The following TMEM161B variants were observed in gnomAD, a reference collection of about 807,000 sequenced individuals.
TMEM161B encodes the protein transmembrane protein 161B.
Under a neutral mutation model 61.8 loss-of-function variants are expected in TMEM161B, and 34 were observed. That is an observed-to-expected ratio of 0.55 (90% CI 0.42 to 0.73). TMEM161B has a LOEUF of 0.73. TMEM161B is among the 30% of genes least tolerant of loss of function. The pLI, the probability that TMEM161B is intolerant of heterozygous loss-of-function variation, is 0.00. For missense variants in TMEM161B, 456 were observed against 558.5 expected, an observed-to-expected ratio of 0.82 and a Z score of 1.85; for synonymous variants, 167 against 192.8, an observed-to-expected ratio of 0.87 and a Z score of 1.11.
intron 9 of TMEM161B, 58 bp from the exon 10 acceptor site, chr5:88,199,208 G>A (rs577081728): frequency 3.9e-5 from 58 of 1,494,888 alleles, no homozygotes; most frequent in Admixed American, 4.3e-5. Flanking sequence ...TAGCATGCTC[G>A]TTATATGTTA....
At chr5:88,256,646 C>T (rs904201333) in intron 1 of TMEM161B, among the ~76,000 whole-genome samples, 3 of 152,226 alleles carry the variant, frequency 2.0e-5, no homozygotes, top group Non-Finnish European at 2.9e-5. Context: ...ATTGTGACCA[C>T]TAACTTAAGG....
chr5:88,197,572 C>A, intron 11 of TMEM161B, 97 bp downstream of exon 11: 1 of 1,013,430 alleles, frequency 9.9e-7, no homozygotes, highest in Admixed American at 2.5e-5. Flanking sequence ...AAAAGAGAAA[C>A]AATTTTAAGA....
chr5:88,237,702 T>C (rs1466083599), intron 2 of TMEM161B, among the ~76,000 whole-genome samples: 1 of 111,994 alleles, frequency 8.9e-6, no homozygotes, highest in Non-Finnish European at 1.9e-5. Context: ...TTAATAGAGT[T>C]AAACCAGACT....
chr5:88,267,234 G>C (rs1030301455), intron 1 of TMEM161B, among the ~76,000 whole-genome samples: 3 of 152,136 alleles, frequency 2.0e-5, no homozygotes, highest in Non-Finnish European at 4.4e-5. Context: ...GGATGGAAGA[G>C]TGATTACTAG....
chr5:88,252,443 G>T (rs868745689), intron 1 of TMEM161B, among the ~76,000 whole-genome samples: 4 of 152,036 alleles, frequency 2.6e-5, no homozygotes, highest in Non-Finnish European at 5.9e-5. Context: ...TAGATATAGC[G>T]ATATATTAAT....
At chr5:88,232,334 T>C (rs1336233570) in intron 2 of TMEM161B, among the ~76,000 whole-genome samples, 1 of 152,152 alleles carries the variant, frequency 6.6e-6, no homozygotes, top group Non-Finnish European at 1.5e-5. Flanking sequence ...AAATAAATTT[T>C]AGCAAGTAGG....
intron 5 of TMEM161B, among the ~76,000 whole-genome samples, chr5:88,218,555 A>G (rs1021364030): frequency 6.6e-6 from 1 of 152,188 alleles, no homozygotes; most frequent in African/African-American, 2.4e-5. Context: ...TGGAAGGCCA[A>G]GGCAGGAACC....
At chr5:88,203,157 T>C (rs1744748792) in intron 8 of TMEM161B, 82 bp from the exon 9 acceptor site, 3 of 804,162 alleles carry the variant, frequency 3.7e-6, no homozygotes, top group Non-Finnish European at 6.3e-6. Context: ...CTTACTAAAA[T>C]GGAGGTAGGA....
chr5:88,263,061 A>G (rs1219106457), intron 1 of TMEM161B, among the ~76,000 whole-genome samples: 1 of 152,174 alleles, frequency 6.6e-6, no homozygotes, highest in Admixed American at 6.5e-5. Context: ...AGATTTATAT[A>G]ATTAAAAACA....
At position 88,240,922 on chromosome 5, in the gene TMEM161B, T is replaced by TA. The variant is rs751143531; in HGVS notation, c.4-7dup. The TA allele has an allele frequency of 2.9e-4, 444 of 1,522,156 alleles. No individual in the cohort carries two copies. In the African/African-American group the frequency reaches 3.6e-3, roughly 12 times the overall value. The allele number at this position is 1,522,156 out of a possible 1,614,324, so 94.3% of individuals were successfully genotyped here. A position where few individuals can be genotyped will look rare whatever the true frequency, so the allele number is the denominator to read the frequency against. Reference sequence around the variant, plus strand: ...AGCTGTATACCTATCACACCCTGTGTAAAAAAAACAAACAAATTTAATAAT... The same window carrying TA: ...AGCTGTATACCTATCACACCCTGTGTAAAAAAAAACAAACAAATTTAATAAT... On this transcript the variant is annotated splice_region_variant and splice_polypyrimidine_tract_variant and intron_variant, in intron 1 of 11. Transcript: ENST00000296595.
chr5:88,248,771 A>G (rs1753951245), intron 1 of TMEM161B, among the ~76,000 whole-genome samples: 1 of 152,002 alleles, frequency 6.6e-6, no homozygotes, highest in African/African-American at 2.4e-5. Flanking sequence ...GAAGACAAAA[A>G]AGCTTATAAA....
At chr5:88,246,968 G>A (rs1247695388) in intron 1 of TMEM161B, among the ~76,000 whole-genome samples, 2 of 151,902 alleles carry the variant, frequency 1.3e-5, no homozygotes, top group Admixed American at 6.6e-5. Context: ...ATGCCTCTAG[G>A]CACTGATTCT....
At chr5:88,249,931 C>T (rs1015576589) in intron 1 of TMEM161B, among the ~76,000 whole-genome samples, 2 of 152,072 alleles carry the variant, frequency 1.3e-5, no homozygotes, top group African/African-American at 2.4e-5. Flanking sequence ...CCATTTTTGC[C>T]TCAGGAACCC....
intron 3 of TMEM161B, among the ~76,000 whole-genome samples, chr5:88,227,728 A>C (rs1195562235): frequency 6.6e-6 from 1 of 152,214 alleles, no homozygotes; most frequent in Non-Finnish European, 1.5e-5. Flanking sequence ...GTTGTCAATC[A>C]ATCATTTCAG....
intron 2 of TMEM161B, among the ~76,000 whole-genome samples, chr5:88,236,069 G>T (rs1459610126): frequency 6.6e-6 from 1 of 152,084 alleles, no homozygotes; most frequent in African/African-American, 2.4e-5. Context: ...TCATCAAAGG[G>T]AACTTGCAGA....
intron 9 of TMEM161B, chr5:88,201,673 C>T (rs1212185040): frequency 6.6e-6 from 1 of 152,098 alleles, no homozygotes. Flanking sequence ...ATTGGGAATG[C>T]TTTCAGTATC....
chr5:88,202,472 AAGGG>A (rs1253749847), intron 9 of TMEM161B: 3 of 189,748 alleles, frequency 1.6e-5, no homozygotes, highest in Non-Finnish European at 3.2e-5. Context: ...AGAAAGTACT[AAGGG>A]ATAAAACTGT....
In TMEM161B at chr5:88,268,763, G is replaced by A; in HGVS notation, c.-40C>T. The A allele has an allele frequency of 6.2e-7, 1 of 1,613,956 alleles. No individual in the cohort carries two copies. Among genetic ancestry groups the A allele is most frequent in the Non-Finnish European group, 8.5e-7 (1 of 1,179,890 alleles). The stretch of plus-strand genomic sequence containing the variant: ...GTCGTGGACCAGACACCCTGGAGTT[G>A]CCGGGGCAGTCCCAAACCTCTTACC... On this transcript the variant is annotated 5_prime_UTR_variant, in exon 1 of 12. Transcript: ENST00000296595.
At chr5:88,188,697 C>T (rs562132432), downstream of TMEM161B, among the ~76,000 whole-genome samples, 7 of 152,260 alleles carry the variant, frequency 4.6e-5, no homozygotes, top group South Asian at 1.2e-3. Flanking sequence ...CAGCTGGGAG[C>T]GTCAGCAGAC....
Sources: gnomAD v4.1 joint callset for allele counts (sites outside exome capture counted in the v4.1 genomes callset) on GRCh38, gnomAD v4.1.1 for gene constraint, MANE v1.5 for transcripts, NCBI Gene and HGNC (gene_info 2026-07-23, HGNC 2026-07-21) for gene names.